NUDT21: variants seen among roughly 807,000 people sequenced by gnomAD.
NUDT21 encodes the protein cleavage and polyadenylation specificity factor subunit 5.
In NUDT21, 5 loss-of-function variants were observed where a neutral mutation model predicts 29.8. That is an observed-to-expected ratio of 0.17 (90% confidence interval 0.09 to 0.35). NUDT21 has a LOEUF of 0.35. NUDT21 is among the 10% of genes least tolerant of loss of function. The probability of loss-of-function intolerance (pLI) is 1.00; values close to 1 mark genes in which losing one functional copy is unlikely to be tolerated. For synonymous variants in NUDT21, 113 were observed against 98.5 expected (o/e 1.15, Z -0.87); for missense variants, 76 against 276.0 (o/e 0.28, Z 5.13).
chr16:56,439,603 A>C (rs2048795246), intron 4 of NUDT21, 54 bp downstream of exon 4: 2 of 1,163,722 alleles, frequency 1.7e-6, no homozygotes. Flanking sequence ...AGTGGCTAGA[A>C]TTAAACGAGC....
At chr16:56,433,975 C>T (rs1472252927) in intron 6 of NUDT21, among the ~76,000 whole-genome samples, 1 of 152,262 alleles carries the variant, frequency 6.6e-6, no homozygotes, top group African/African-American at 2.4e-5. Flanking sequence ...GCATGAGCCA[C>T]TACATCCAGC....
chr16:56,436,592 G>C (rs528217621), intron 4 of NUDT21, among the ~76,000 whole-genome samples: 1 of 152,300 alleles, frequency 6.6e-6, no homozygotes, highest in South Asian at 2.1e-4. Flanking sequence ...GGCCTGAATA[G>C]CACAAGCTAA....
At chr16:56,450,131 C>A (rs72814486) in intron 1 of NUDT21, among the ~76,000 whole-genome samples, 8,093 of 152,262 alleles carry the variant, frequency 0.053, 311 homozygotes, top group South Asian at 0.15. Flanking sequence ...ATCAATACCA[C>A]CAAATCCTTG....
At chr16:56,444,600 C>CAAAAAAA (rs1245484732) in intron 3 of NUDT21, among the ~76,000 whole-genome samples, 1 of 39,020 alleles carries the variant, frequency 2.6e-5, no homozygotes. Flanking sequence ...AACTCCGCCT[C>CAAAAAAA]AAAAAAAAAA....
intron 2 of NUDT21, 176 bp downstream of exon 2, chr16:56,447,613 A>T (rs1437531932): frequency 1.7e-6 from 1 of 600,924 alleles, no homozygotes; most frequent in African/African-American, 1.9e-5. Context: ...ACTAGTTAGG[A>T]AAATAAATGA....
intron 6 of NUDT21, among the ~76,000 whole-genome samples, chr16:56,433,353 G>T (rs982568428): frequency 6.6e-6 from 1 of 152,198 alleles, no homozygotes; most frequent in Non-Finnish European, 1.5e-5. Context: ...ATTTACAGAA[G>T]AAGAAACAGT....
chr16:56,441,978 C>T (rs1005953513), intron 3 of NUDT21, among the ~76,000 whole-genome samples: 1 of 152,222 alleles, frequency 6.6e-6, no homozygotes, highest in South Asian at 2.1e-4. Context: ...CAACCTCCAC[C>T]TCATGGGTTC....
At chr16:56,449,881 T>G (rs1391332794) in intron 1 of NUDT21, among the ~76,000 whole-genome samples, 2 of 152,208 alleles carry the variant, frequency 1.3e-5, no homozygotes, top group Non-Finnish European at 2.9e-5. Context: ...CCCAAGGTGC[T>G]GGGAGTACAG....
In NUDT21 at chr16:56,433,934, G is replaced by A. The variant is rs547548952; in HGVS notation, c.662+397C>T. Among the ~76,000 whole-genome samples the A allele has an allele frequency of 1.2e-4, 19 of 152,214 alleles. No homozygotes were observed. The South Asian group carries it at 3.3e-3, about 27-fold the overall frequency. On this transcript the variant is annotated intron_variant, in intron 6 of 6. Transcript: ENST00000300291. ...ACTCCTGACCTGGTGATACACCCCC[G>A]CCTCAGCCTCCCAAAGTGCTGGGAT...
intron 6 of NUDT21, 25 bp downstream of exon 6, chr16:56,434,306 C>G: frequency 6.8e-7 from 1 of 1,480,748 alleles, no homozygotes; most frequent in South Asian, 1.1e-5. Flanking sequence ...TATGGATGAA[C>G]CAAAAAATGT....
At chr16:56,441,101 C>T (rs576852619) in intron 3 of NUDT21, among the ~76,000 whole-genome samples, 2 of 152,224 alleles carry the variant, frequency 1.3e-5, no homozygotes, top group East Asian at 1.9e-4. Flanking sequence ...AGCACAGCGA[C>T]GCAATCATGG....
chr16:56,446,766 C>T, intron 2 of NUDT21, 77 bp from the exon 3 acceptor site: 2 of 866,890 alleles, frequency 2.3e-6, no homozygotes, highest in Non-Finnish European at 1.8e-6. Context: ...ATTGTTATTT[C>T]TACCAAGTCA....
At position 56,451,067 on chromosome 16, in the gene NUDT21, C is replaced by T. The variant is rs1386375957; in HGVS notation, c.116+20G>A. On this transcript the variant is annotated intron_variant, in intron 1 of 6. Coordinates refer to ENST00000300291, the MANE Select transcript of NUDT21 (RefSeq NM_007006.3). ...GAGCTTTCACGAGAGAAATGCCCGC[C>T]AAGGCCGCGCCGCACTTACAGGTTG... The T allele has an allele frequency of 6.2e-7, 1 of 1,604,894 alleles. No individual in the cohort carries two copies. The highest frequency in any genetic ancestry group is 1.3e-5 in the African/African-American group (1 of 74,858).
rs116948930 is a variant in NUDT21, at chr16:56,450,907, C to T, written c.116+180G>A. ...CCTTCCTTTCAGAAAAGGACTCTAA[C>T]CCTGGAGGCTGGAGGATGAGAAAGG... On this transcript the variant is annotated intron_variant, in intron 1 of 6. Coordinates refer to ENST00000300291, the MANE Select transcript of NUDT21 (RefSeq NM_007006.3). 6.8e-3 allele frequency among the ~76,000 whole-genome samples: 1,043 copies of T among 152,356 alleles called. 9 individuals carry two copies. The highest frequency in any genetic ancestry group is 0.01 in the Non-Finnish European group (705 of 68,038).
chr16:56,438,923 ATTGT>A (rs1475033211), intron 4 of NUDT21, among the ~76,000 whole-genome samples: 3 of 152,250 alleles, frequency 2.0e-5, no homozygotes, highest in Admixed American at 1.3e-4. Flanking sequence ...ATAATATGGA[ATTGT>A]TTATTTTTAG....
intron 3 of NUDT21, among the ~76,000 whole-genome samples, chr16:56,441,549 A>G (rs1962159240): frequency 6.6e-6 from 1 of 152,228 alleles, no homozygotes; most frequent in Admixed American, 6.5e-5. Flanking sequence ...TTTTCATTTT[A>G]AAAACATTTT....
Position 56,451,267 on chromosome 16 carries a change from G to A in NUDT21, c.-65C>T, listed in dbSNP as rs866307312. ...AGGCAGGGTAGACTTTCCCCGTGCG[G>A]GAAGCGGTTATCTGCAATCCCCTCA... is the stretch of plus-strand genomic sequence containing the variant. On this transcript the variant is annotated 5_prime_UTR_variant, in exon 1 of 7. Transcript: ENST00000300291. 49 of 1,288,730 alleles carry A rather than the reference G, an allele frequency of 3.8e-5. No homozygotes were observed. In the African/African-American group the frequency reaches 5.7e-4, roughly 15 times the overall value. The allele number at this position is 1,288,730 out of a possible 1,614,324, so 79.8% of individuals were successfully genotyped here. A position where few individuals can be genotyped will look rare whatever the true frequency, so the allele number is the denominator to read the frequency against.
intron 2 of NUDT21, 70 bp downstream of exon 2, chr16:56,447,719 G>T: frequency 7.3e-7 from 1 of 1,374,926 alleles, no homozygotes; most frequent in Non-Finnish European, 1.0e-6. Flanking sequence ...GGCTAAAATT[G>T]TATTCCAGAG....
intron 5 of NUDT21, 98 bp from the exon 6 acceptor site, chr16:56,434,543 G>C (rs1962072738): frequency 2.4e-6 from 2 of 834,658 alleles, no homozygotes; most frequent in Admixed American, 5.1e-5. Context: ...AAAAGTGTAA[G>C]AAAAAAGATA....
Sources: allele counts gnomAD v4.1 joint callset (sites outside exome capture counted in the v4.1 genomes callset), GRCh38; gene constraint gnomAD v4.1.1; transcripts MANE v1.5; gene names NCBI Gene and HGNC (gene_info 2026-07-23, HGNC 2026-07-21).